SLC8B1: variants seen among roughly 807,000 people sequenced by gnomAD.
SLC8B1 encodes solute carrier family 8 member B1.
A neutral mutation model predicts 63.4 loss-of-function variants in SLC8B1; 52 were observed. That is an observed-to-expected ratio of 0.82 (90% confidence interval 0.66 to 1.03). The LOEUF is 1.03. Among genes scored for constraint, SLC8B1 ranks in the 50% least tolerant of loss-of-function variants. SLC8B1 has a pLI of 0.00. For missense variants in SLC8B1, 657 were observed against 741.7 expected (o/e 0.89, Z 1.33); for synonymous variants, 336 against 323.9 (o/e 1.04, Z -0.40).
At chr12:113,302,066 A>G (rs1956595271) in intron 15 of SLC8B1, 1 of 152,230 alleles carries the variant, frequency 6.6e-6, no homozygotes, top group South Asian at 2.1e-4. Flanking sequence ...AGGTTTTTAT[A>G]TGTGTAGTAG....
At chr12:113,310,079 C>T (rs745894312) in intron 12 of SLC8B1, among the ~76,000 whole-genome samples, 155 bp downstream of exon 12, 1 of 151,726 alleles carries the variant, frequency 6.6e-6, no homozygotes, top group South Asian at 2.1e-4. Context: ...TGTATAGATA[C>T]AAACACTCTC....
chr12:113,319,762 C>A (rs1956894361), intron 7 of SLC8B1, among the ~76,000 whole-genome samples: 1 of 152,168 alleles, frequency 6.6e-6, no homozygotes, highest in South Asian at 2.1e-4. Flanking sequence ...AGCGTCCCAT[C>A]TTTACTGCTT....
chr12:113,328,158 AGTAGCTGGCACCACAG>A (rs982424779), intron 2 of SLC8B1, among the ~76,000 whole-genome samples: 3 of 152,104 alleles, frequency 2.0e-5, no homozygotes, highest in Non-Finnish European at 2.9e-5. Context: ...CAGCCTCCTG[AGTAGCTGGCACCACAG>A]GTGCGCATCA....
intron 8 of SLC8B1, among the ~76,000 whole-genome samples, chr12:113,317,926 G>T (rs947375598): frequency 6.6e-6 from 1 of 152,006 alleles, no homozygotes; most frequent in Admixed American, 6.6e-5. Context: ...TGTGTATGTT[G>T]CATGTGTGTG....
chr12:113,299,664 C>T lies in SLC8B1; in HGVS notation c.*113G>A, dbSNP rs1004335430. 25 of 978,860 alleles carry T rather than the reference C, an allele frequency of 2.6e-5. No individual in the cohort carries two copies. The highest frequency in any genetic ancestry group is 3.0e-4 in the Middle Eastern group (1 of 3,292). 60.6% of individuals were successfully genotyped at this position (978,860 alleles called of 1,614,324 possible). On this transcript the variant is annotated 3_prime_UTR_variant, in exon 16 of 16. Transcript: ENST00000680972. ...ACCTCAGATCTCCAGCAGCAAGGGC[C>T]GCACTCTCGTGCCCACAAGGGCCTT...
intron 2 of SLC8B1, among the ~76,000 whole-genome samples, chr12:113,321,715 C>CT (rs1405121168): frequency 1.3e-5 from 2 of 151,770 alleles, no homozygotes; most frequent in African/African-American, 4.8e-5. Context: ...CTATTACACA[C>CT]TTTGTTTTGT....
Position 113,332,753 on chromosome 12 carries a change from AG to A in SLC8B1, c.125del (p.Ala42ValfsTer4). 6.2e-7 allele frequency: 1 copy of A among 1,614,132 alleles called. No homozygotes were observed. The highest frequency in any genetic ancestry group is 8.5e-7 in the Non-Finnish European group (1 of 1,180,020). On this transcript the variant is annotated frameshift_variant, in exon 2 of 16. Transcript: ENST00000680972. LOFTEE classifies it high-confidence loss of function. ...TGAHISPQFP[A>X]SGVNQTPVVD... ...CCACGGGGGTCTGGTTCACACCTGAAGCTGGAAACTGGGGGCTAATGTGAGC... is the reference window on the plus strand; with the variant it reads ...CCACGGGGGTCTGGTTCACACCTGAACTGGAAACTGGGGGCTAATGTGAGC...
rs779646346 is a variant in SLC8B1 at position 113,310,298 on chromosome 12, C to A, written c.1193G>T (p.Gly398Val). 6.2e-7 allele frequency: 1 copy of A among 1,614,096 alleles called. No homozygotes were observed. The highest frequency in any genetic ancestry group is 8.5e-7 in the Non-Finnish European group (1 of 1,180,002). The change falls in exon 12 of 16, where the codon GGC becomes GTC. Residue 398 changes from glycine (G) to valine (V), a missense_variant. Physicochemically the swap from Gly to Val is moderately radical, Grantham distance 109 (BLOSUM62 -3). Transcript: ENST00000680972. The stretch of plus-strand genomic sequence containing the variant: ...AAAGGTCACTGAAGCCAAGGCTGTG[C>A]CTGCGATCACCACCACGACCCAGAC... ...VPVWVVVVIAGTALASVTFFA... is the reference protein window; with the variant it reads ...VPVWVVVVIAVTALASVTFFA...
At position 113,316,566 on chromosome 12, in the gene SLC8B1, C is replaced by T. The variant is rs1593249225; in HGVS notation, c.953G>A (p.Arg318Lys). The T allele has an allele frequency of 1.2e-6, 2 of 1,614,222 alleles. No individual in the cohort carries two copies. Among genetic ancestry groups the T allele is most frequent in the East Asian group, 2.2e-5 (1 of 44,886 alleles). The change falls in exon 10 of 16, where the codon AGA becomes AAA. Residue 318 changes from arginine to lysine, a missense_variant. Physicochemically the swap from Arg to Lys is conservative, Grantham distance 26. Coordinates refer to ENST00000680972, the MANE Select transcript of SLC8B1 (RefSeq NM_001358345.2). Reference protein sequence around the residue: ...ALNPLDYMKWRRKSAYWKALK... With the variant: ...ALNPLDYMKWKRKSAYWKALK... Reference sequence around the variant, plus strand: ...GGCTTTCCAGTATGCTGATTTCCTTCTCCACTTCATGTAATCCAGGGGATT... The same window carrying T: ...GGCTTTCCAGTATGCTGATTTCCTTTTCCACTTCATGTAATCCAGGGGATT...
intron 2 of SLC8B1, among the ~76,000 whole-genome samples, chr12:113,323,142 C>A (rs929300105): frequency 3.3e-5 from 5 of 152,100 alleles, no homozygotes; most frequent in South Asian, 2.1e-4. Flanking sequence ...TTCCCCAGCA[C>A]CTCTAGCCTA....
chr12:113,332,781 C>G lies in SLC8B1; in HGVS notation c.98G>C (p.Gly33Ala), dbSNP rs369040831. The change falls in exon 2 of 16, where the codon GGA becomes GCA. Residue 33 changes from glycine to alanine, a missense_variant. Coordinates refer to ENST00000680972, the MANE Select transcript of SLC8B1 (RefSeq NM_001358345.2). ...TGGAAACTGGGGGCTAATGTGAGCTCCTGTAGACGAGCCCCTAGTCCCAGA... is the reference window on the plus strand; with the variant it reads ...TGGAAACTGGGGGCTAATGTGAGCTGCTGTAGACGAGCCCCTAGTCCCAGA... ...TVSGTRGSST[G>A]AHISPQFPAS... 82 of 1,614,062 alleles carry G rather than the reference C, an allele frequency of 5.1e-5. 2 individuals carry two copies. Among genetic ancestry groups the G allele is most frequent in the Non-Finnish European group, 6.9e-5 (81 of 1,180,034 alleles).
intron 14 of SLC8B1, 148 bp from the exon 15 acceptor site, chr12:113,304,533 C>T (rs1956646544): frequency 1.6e-6 from 1 of 644,930 alleles, no homozygotes; most frequent in Non-Finnish European, 2.7e-6. Flanking sequence ...TGCCTGTAAT[C>T]CCAGCACTTT....
In SLC8B1 at chr12:113,305,893, T is replaced by C. The variant is rs1956664552; in HGVS notation, c.1492+602A>G. 6.6e-6 allele frequency among the ~76,000 whole-genome samples: 1 copy of C among 151,766 alleles called. No individual in the cohort carries two copies. Among genetic ancestry groups the C allele is most frequent in the Non-Finnish European group, 1.5e-5 (1 of 67,968 alleles). On this transcript the variant is annotated intron_variant, in intron 14 of 15. Coordinates refer to ENST00000680972, the MANE Select transcript of SLC8B1 (RefSeq NM_001358345.2). This position sits in a 1 kb window ranked among gnomAD's most constrained non-coding sequence, Gnocchi z 4.3. ...GGCCAACATAGTGAAACCCTGTCTC[T>C]ACTAAAAATACAAAAATTAGCTGGG...
intron 2 of SLC8B1, 96 bp downstream of exon 2, chr12:113,332,627 C>T (rs551387267): frequency 1.4e-5 from 19 of 1,386,584 alleles, no homozygotes; most frequent in African/African-American, 4.4e-5. Context: ...TCCCAGGCTG[C>T]GGTCAGTGCC....
chr12:113,300,199 C>T (rs527306425), intron 15 of SLC8B1, among the ~76,000 whole-genome samples: 20 of 152,314 alleles, frequency 1.3e-4, no homozygotes, highest in Middle Eastern at 3.4e-3. Context: ...CAATCTCAGC[C>T]GAGCACAGTG....
Position 113,320,684 on chromosome 12 carries a change from G to A in SLC8B1, c.423C>T (p.Gly141=), listed in dbSNP as rs1566238954. ...TTLKLSHNVA[G]VTFLAFGNGA... ...CATTCCCAAATGCCAGGAAGGTGAC[G>A]CCATGTGGGGAGCATGTCAAGGCGG... Residue 141 remains glycine, a splice_region_variant and synonymous_variant, in exon 6 of 16, where the codon GGC becomes GGT. Transcript: ENST00000680972. This position sits in a 1 kb window ranked among gnomAD's most constrained non-coding sequence, Gnocchi z 5.3. 3.7e-6 allele frequency: 6 copies of A among 1,613,244 alleles called. No homozygotes were observed. The highest frequency in any genetic ancestry group is 4.5e-5 in the East Asian group (2 of 44,852).
chr12:113,323,797 C>T (rs1333959654), intron 2 of SLC8B1, among the ~76,000 whole-genome samples: 1 of 152,154 alleles, frequency 6.6e-6, no homozygotes, highest in African/African-American at 2.4e-5. Flanking sequence ...TGTCAAACCA[C>T]AGTTCCACCT....
intron 8 of SLC8B1, among the ~76,000 whole-genome samples, chr12:113,318,684 G>T (rs1956878478): frequency 6.6e-6 from 1 of 152,202 alleles, no homozygotes; most frequent in African/African-American, 2.4e-5. Flanking sequence ...GAGAATGGTG[G>T]GAAACATCAG....
At chr12:113,314,257 G>A (rs574489489) in intron 11 of SLC8B1, among the ~76,000 whole-genome samples, 11 of 152,204 alleles carry the variant, frequency 7.2e-5, no homozygotes, top group African/African-American at 1.4e-4. Flanking sequence ...CCCACAAACC[G>A]GGGGAGAAAT....
Sources: allele counts gnomAD v4.1 joint callset (sites outside exome capture counted in the v4.1 genomes callset), GRCh38; gene constraint gnomAD v4.1.1; non-coding constraint Gnocchi (gnomAD v3.1); transcripts MANE v1.5; gene names NCBI Gene and HGNC (gene_info 2026-07-23, HGNC 2026-07-21).